Variants in CNTNAP2 observed in about 807,000 individuals in gnomAD.
CNTNAP2 encodes the protein contactin associated protein 2.
In CNTNAP2, 98 loss-of-function variants were observed where a neutral mutation model predicts 155.2. The ratio of observed to expected loss-of-function variants is 0.63; its 90% CI spans 0.54 to 0.75. The LOEUF is 0.75. Ranked by LOEUF, CNTNAP2 falls within the 30% of genes least tolerant of loss-of-function variation. The pLI is 0.00. For synonymous variants in CNTNAP2, 651 were observed against 631.2 expected (o/e 1.03, Z -0.47); for missense variants, 1,727 against 1,688.1 (o/e 1.02, Z -0.40).
At chr7:147,435,988 A>T (rs1311471400) in intron 10 of CNTNAP2, among the ~76,000 whole-genome samples, 1 of 152,138 alleles carries the variant, frequency 6.6e-6, no homozygotes, top group African/African-American at 2.4e-5. Context: ...GTTAAACCTT[A>T]TAAGGATTTA....
At chr7:148,389,366 T>G (rs1003741937) in intron 22 of CNTNAP2, among the ~76,000 whole-genome samples, 1 of 152,022 alleles carries the variant, frequency 6.6e-6, no homozygotes, top group African/African-American at 2.4e-5. Flanking sequence ...CTGCACAAGC[T>G]CTCTCTTTGC....
chr7:147,073,840 G>T (rs775684591), intron 4 of CNTNAP2, among the ~76,000 whole-genome samples: 2 of 152,070 alleles, frequency 1.3e-5, no homozygotes, highest in African/African-American at 2.4e-5. Context: ...TGGAAGGGAC[G>T]GAAATTTAAA....
At chr7:147,075,979 G>A (rs1195325922) in intron 4 of CNTNAP2, among the ~76,000 whole-genome samples, 1 of 152,152 alleles carries the variant, frequency 6.6e-6, no homozygotes, top group East Asian at 1.9e-4. Flanking sequence ...TTTTATGGCT[G>A]CGTAGTATTC....
chr7:146,861,803 C>T (rs1242403783), intron 3 of CNTNAP2, among the ~76,000 whole-genome samples: 1 of 152,010 alleles, frequency 6.6e-6, no homozygotes, highest in African/African-American at 2.4e-5. Context: ...ATGTAATTTG[C>T]TGGATTTTGG....
chr7:147,313,799 G>C (rs1234489949), intron 9 of CNTNAP2, among the ~76,000 whole-genome samples: 1 of 152,028 alleles, frequency 6.6e-6, no homozygotes, highest in Non-Finnish European at 1.5e-5. Flanking sequence ...ATTCTGTGAA[G>C]AAAGTCATTG....
intron 1 of CNTNAP2, among the ~76,000 whole-genome samples, chr7:146,184,095 G>A (rs551182014): frequency 1.3e-5 from 2 of 152,264 alleles, no homozygotes; most frequent in South Asian, 2.1e-4. Flanking sequence ...GATCCCAGAT[G>A]CAGAAAAGCT....
intron 21 of CNTNAP2, among the ~76,000 whole-genome samples, chr7:148,331,886 G>A (rs1159053071): frequency 3.9e-5 from 6 of 152,202 alleles, no homozygotes; most frequent in African/African-American, 9.6e-5. Flanking sequence ...GATCACGTTC[G>A]GTAAGTTGTG....
At chr7:148,236,710 G>A (rs1004355034) in intron 20 of CNTNAP2, among the ~76,000 whole-genome samples, 2 of 152,204 alleles carry the variant, frequency 1.3e-5, no homozygotes, top group Non-Finnish European at 2.9e-5. Flanking sequence ...GGTTTAGTTG[G>A]CTCACAGTTC....
intron 1 of CNTNAP2, among the ~76,000 whole-genome samples, chr7:146,731,266 G>A (rs756819712): frequency 1.3e-5 from 2 of 152,070 alleles, no homozygotes; most frequent in Non-Finnish European, 2.9e-5. Flanking sequence ...CAGTGCGGCT[G>A]GATGACAAGT....
intron 8 of CNTNAP2, among the ~76,000 whole-genome samples, chr7:147,151,340 A>AT (rs1203675441): frequency 6.6e-6 from 1 of 152,192 alleles, no homozygotes; most frequent in African/African-American, 2.4e-5. Context: ...AATGATAAAC[A>AT]TGAGTATAAT....
intron 21 of CNTNAP2, among the ~76,000 whole-genome samples, chr7:148,271,173 T>G (rs1796773246): frequency 6.6e-6 from 1 of 152,250 alleles, no homozygotes; most frequent in South Asian, 2.1e-4. Flanking sequence ...CAATACTGTC[T>G]GCGTTTCTCA....
At chr7:146,501,361 A>AT (rs201064850) in intron 1 of CNTNAP2, among the ~76,000 whole-genome samples, 36 of 150,176 alleles carry the variant, frequency 2.4e-4, no homozygotes, top group African/African-American at 7.8e-4. Flanking sequence ...TGTTGTGGAA[A>AT]TTTTTTTTTT....
At chr7:146,679,512 C>T (rs571763875) in intron 1 of CNTNAP2, among the ~76,000 whole-genome samples, 73 of 152,026 alleles carry the variant, frequency 4.8e-4, no homozygotes, top group Non-Finnish European at 8.7e-4. Flanking sequence ...CCCGCCAACA[C>T]GCCCAGCTAA....
intron 13 of CNTNAP2, among the ~76,000 whole-genome samples, chr7:147,707,318 G>A (rs1018944469): frequency 6.6e-6 from 1 of 152,194 alleles, no homozygotes; most frequent in Non-Finnish European, 1.5e-5. Flanking sequence ...GGTTGGGTAG[G>A]ACACTTTGGC....
chr7:147,023,072 T>C (rs1344955839), intron 3 of CNTNAP2, among the ~76,000 whole-genome samples: 1 of 152,190 alleles, frequency 6.6e-6, no homozygotes, highest in Non-Finnish European at 1.5e-5. Flanking sequence ...CAGGGTTCCT[T>C]GCTTCATGAT....
chr7:146,585,815 G>C (rs1255760120), intron 1 of CNTNAP2, among the ~76,000 whole-genome samples: 2 of 151,556 alleles, frequency 1.3e-5, no homozygotes, highest in African/African-American at 4.8e-5. Flanking sequence ...GAGGGAGGGA[G>C]GGAAGGAATG....
At chr7:148,215,800 G>A (rs1194649664) in intron 18 of CNTNAP2, among the ~76,000 whole-genome samples, 1 of 152,106 alleles carries the variant, frequency 6.6e-6, no homozygotes, top group African/African-American at 2.4e-5. Flanking sequence ...AGTTAACACG[G>A]CTGCTACAGA....
intron 15 of CNTNAP2, among the ~76,000 whole-genome samples, chr7:148,114,850 A>G (rs749773208): frequency 8.5e-5 from 13 of 152,374 alleles, no homozygotes; most frequent in South Asian, 4.1e-4. Flanking sequence ...AAGTAAAAGC[A>G]GAAGTTCTAA....
intron 3 of CNTNAP2, among the ~76,000 whole-genome samples, chr7:147,035,748 G>A (rs1799141725): frequency 6.6e-6 from 1 of 152,040 alleles, no homozygotes; most frequent in African/African-American, 2.4e-5. Context: ...CGCTATAGGA[G>A]CTTGTGATCT....
Sources: allele counts gnomAD v4.1 joint callset (sites outside exome capture counted in the v4.1 genomes callset), GRCh38; gene constraint gnomAD v4.1.1; transcripts MANE v1.5; gene names NCBI Gene and HGNC (gene_info 2026-07-23, HGNC 2026-07-21).